Variants in ZNF521 observed in about 807,000 individuals in gnomAD.
ZNF521 encodes the protein zinc finger protein 521, also known as LYST-interacting protein 3.
In ZNF521, 14 loss-of-function variants were observed where a neutral mutation model predicts 105.5. The ratio of observed to expected loss-of-function variants is 0.13; its 90% confidence interval spans 0.09 to 0.21. The LOEUF is 0.21. Ranked by LOEUF, ZNF521 falls within the 10% of genes least tolerant of loss-of-function variation. ZNF521 has a pLI of 1.00. For missense variants in ZNF521, 1,233 were observed against 1,629.7 expected, an observed-to-expected ratio of 0.76 and a Z score of 4.19; for synonymous variants, 635 against 606.0, an observed-to-expected ratio of 1.05 and a Z score of -0.70.
At chr18:25,188,874 C>T (rs61457465) in intron 5 of ZNF521, among the ~76,000 whole-genome samples, 3,117 of 152,260 alleles carry the variant, frequency 0.02, 127 homozygotes, top group African/African-American at 0.072. Context: ...ACTGAATCTT[C>T]GATCTATGGC....
intron 5 of ZNF521, among the ~76,000 whole-genome samples, chr18:25,177,491 A>G (rs995725107): frequency 6.6e-6 from 1 of 151,810 alleles, no homozygotes; most frequent in Non-Finnish European, 1.5e-5. Flanking sequence ...AGCATGTCCA[A>G]GAAAAGAATC....
chr18:25,155,836 G>T (rs977007803), intron 5 of ZNF521, among the ~76,000 whole-genome samples: 2 of 152,152 alleles, frequency 1.3e-5, no homozygotes, highest in African/African-American at 4.8e-5. Flanking sequence ...GTACAACATG[G>T]ATGAACCAGG....
chr18:25,162,890 A>G (rs1419520537), intron 5 of ZNF521, among the ~76,000 whole-genome samples: 1 of 152,202 alleles, frequency 6.6e-6, no homozygotes, highest in Non-Finnish European at 1.5e-5. Flanking sequence ...GTAGTTAACA[A>G]GCCCTGTAGG....
chr18:25,248,443 T>C (rs958095188), intron 3 of ZNF521, among the ~76,000 whole-genome samples: 3 of 152,244 alleles, frequency 2.0e-5, no homozygotes, highest in African/African-American at 7.2e-5. Flanking sequence ...ATTATGATGT[T>C]ATCATTTATG....
At position 25,224,496 on chromosome 18, in the gene ZNF521, G is replaced by A; in HGVS notation, c.3422C>T (p.Ser1141Phe). The change falls in exon 4 of 8, where the codon TCT becomes TTT. Residue 1141 changes from serine to phenylalanine, a missense_variant. Around this residue, in one of 6 missense-constraint regions of ZNF521, gnomAD observed 614 missense variants for 751.5 expected, o/e 0.82. Coordinates refer to ENST00000361524, the MANE Select transcript of ZNF521 (RefSeq NM_015461.3). ...AGACTCAAACTTAACGTTGCAGCTA[G>A]AGCAGCGTGTCTTCAGTCCCCCCAC... ...GKVGGLKTRC[S>F]SCNVKFESES... 6.2e-7 allele frequency: 1 copy of A among 1,614,064 alleles called. No individual in the cohort carries two copies. Among genetic ancestry groups the A allele is most frequent in the Non-Finnish European group, 8.5e-7 (1 of 1,180,004 alleles).
At chr18:25,080,190 CCACT>C (rs2033462152) in intron 7 of ZNF521, among the ~76,000 whole-genome samples, 2 of 152,146 alleles carry the variant, frequency 1.3e-5, no homozygotes, top group Admixed American at 1.3e-4. Context: ...CAGTTAGTTT[CCACT>C]CACTCATTCA....
At chr18:25,175,203 C>T (rs1387934904) in intron 5 of ZNF521, among the ~76,000 whole-genome samples, 3 of 152,168 alleles carry the variant, frequency 2.0e-5, no homozygotes, top group Non-Finnish European at 4.4e-5. Flanking sequence ...CTGTGTGTCA[C>T]AGGACATGAT....
At chr18:25,333,237 A>C (rs1913681323) in intron 2 of ZNF521, among the ~76,000 whole-genome samples, 1 of 151,284 alleles carries the variant, frequency 6.6e-6, no homozygotes, top group South Asian at 2.1e-4. Context: ...ATAAACACCT[A>C]TATTTATTTG....
intron 3 of ZNF521, among the ~76,000 whole-genome samples, chr18:25,285,600 C>A (rs1341810226): frequency 6.6e-6 from 1 of 152,094 alleles, no homozygotes; most frequent in Non-Finnish European, 1.5e-5. Context: ...AGTATAGTAT[C>A]ACTTGGCAAA....
At chr18:25,169,588 TTATAAA>T (rs1325599543) in intron 5 of ZNF521, among the ~76,000 whole-genome samples, 1 of 152,186 alleles carries the variant, frequency 6.6e-6, no homozygotes. Flanking sequence ...TCCCTTTACT[TTATAAA>T]TACGAAAAAC....
chr18:25,322,137 A>T lies in ZNF521; in HGVS notation c.91T>A (p.Cys31Ser), dbSNP rs202138460. 29 of 1,613,914 alleles carry T rather than the reference A, an allele frequency of 1.8e-5. No homozygotes were observed. The highest frequency in any genetic ancestry group is 1.7e-6 in the Non-Finnish European group (2 of 1,180,018). The change falls in exon 3 of 8, where the codon TGT (cysteine) becomes AGT (serine). Residue 31 changes from cysteine (C) to serine (S), a missense_variant. Transcript: ENST00000361524. ...TCCCCGTCTTCCGGCCTCTTCTTAC[A>T]ATCTAGTGCCTCTCCATCTTCAGTC... is the stretch of plus-strand genomic sequence containing the variant. The part of the protein sequence containing the change: ...DKTEDGEALD[C>S]KKRPEDGEEL...
At chr18:25,138,834 G>C (rs997680936) in intron 5 of ZNF521, among the ~76,000 whole-genome samples, 3 of 152,074 alleles carry the variant, frequency 2.0e-5, no homozygotes, top group Non-Finnish European at 4.4e-5. Flanking sequence ...GCCTGGCCTT[G>C]TGATTCCCAT....
intron 4 of ZNF521, among the ~76,000 whole-genome samples, chr18:25,222,549 C>A (rs1297327243): frequency 1.3e-5 from 2 of 152,262 alleles, no homozygotes; most frequent in East Asian, 3.9e-4. Flanking sequence ...ACAAGCAACA[C>A]CAAAATCACA....
At chr18:25,166,080 A>G (rs888277378) in intron 5 of ZNF521, among the ~76,000 whole-genome samples, 6 of 152,230 alleles carry the variant, frequency 3.9e-5, no homozygotes, top group Admixed American at 3.3e-4. Context: ...ATATAACACA[A>G]AAGTGCTATC....
chr18:25,293,028 T>C (rs1911124016), intron 3 of ZNF521, among the ~76,000 whole-genome samples: 1 of 152,196 alleles, frequency 6.6e-6, no homozygotes, highest in Non-Finnish European at 1.5e-5. Flanking sequence ...CTGGGTCCAC[T>C]GCCCAATGGT....
rs150988256 is a variant in ZNF521, at chr18:25,204,680, T to C, written c.3574-9436A>G. ...CTACACACTTGAACTCATTGATGTC[T>C]CACATTAAACACTGAAAAAACTGTG... On this transcript the variant is annotated intron_variant, in intron 4 of 7. Transcript: ENST00000361524. Among the ~76,000 whole-genome samples, 690 of 152,288 alleles carry C rather than the reference T, an allele frequency of 4.5e-3. 7 individuals are homozygous for C. The highest frequency in any genetic ancestry group is 0.015 in the African/African-American group (637 of 41,560).
intron 3 of ZNF521, among the ~76,000 whole-genome samples, chr18:25,298,176 G>C (rs2145057251): frequency 6.6e-6 from 1 of 152,258 alleles, no homozygotes; most frequent in Non-Finnish European, 1.5e-5. Context: ...TTAAATCAGA[G>C]AGAAAGAAAT....
intron 4 of ZNF521, among the ~76,000 whole-genome samples, chr18:25,205,140 G>GGAAAAAAAAA (rs2036056865): frequency 3.0e-5 from 1 of 32,836 alleles, no homozygotes; most frequent in African/African-American, 2.6e-4. Flanking sequence ...CGTAGTGAAG[G>GGAAAAAAAAA]TAAAAAAAAA....
chr18:25,092,376 C>G (rs563776164), intron 5 of ZNF521, among the ~76,000 whole-genome samples: 1 of 152,114 alleles, frequency 6.6e-6, no homozygotes, highest in East Asian at 1.9e-4. Context: ...TTCCTTTTCT[C>G]TCATTACCAT....
Sources: allele counts gnomAD v4.1 joint callset (sites outside exome capture counted in the v4.1 genomes callset), GRCh38; gene constraint gnomAD v4.1.1; regional missense constraint gnomAD v4.1.1; transcripts MANE v1.5; gene names NCBI Gene and HGNC (gene_info 2026-07-23, HGNC 2026-07-21).